NEFM: variants seen among roughly 807,000 people sequenced by gnomAD.
NEFM encodes the protein neurofilament medium polypeptide.
A neutral mutation model predicts 48.1 loss-of-function variants in NEFM; 16 were observed. That is an observed-to-expected ratio of 0.33 (90% confidence interval 0.23 to 0.51). NEFM has a LOEUF of 0.51. Ranked by LOEUF, NEFM falls within the 20% of genes least tolerant of loss-of-function variation. NEFM has a pLI of 0.98. For missense variants in NEFM, 1,107 were observed against 1,136.0 expected (o/e 0.97, Z 0.37); for synonymous variants, 465 against 456.9 (o/e 1.02, Z -0.23).
chr8:24,914,864 C>G lies in NEFM; in HGVS notation c.1071C>G (p.Ser357Arg). 1.3e-6 allele frequency: 2 copies of G among 1,592,322 alleles called. No individual in the cohort carries two copies. Among genetic ancestry groups the G allele is most frequent in the Non-Finnish European group, 1.7e-6 (2 of 1,171,086 alleles). Residue 357 changes from serine (S) to arginine (R), a missense_variant, in exon 1 of 3, where the codon AGC becomes AGG. Coordinates refer to ENST00000221166, the MANE Select transcript of NEFM (RefSeq NM_005382.2). ...AGGAGCGCCACAACCACGACCTCAG[C>G]AGCTACCAGGTAGGAACCGCGGCTG... ...DIEERHNHDLSSYQDTIQQLE... is the reference protein window; with the variant it reads ...DIEERHNHDLRSYQDTIQQLE...
In NEFM at chr8:24,913,937, G is replaced by T. The variant is rs762095091; in HGVS notation, c.144G>T (p.Val48=). The change falls in exon 1 of 3, where the codon GTG becomes GTT. Residue 48 remains valine, a synonymous_variant. Transcript: ENST00000221166. ...GGTCCCGCGGCTCGCCCAGCACCGT[G>T]TCCTCCTCCTATAAGCGCAGCATGC... ...QSWSRGSPST[V]SSSYKRSMLA... is the part of the protein sequence containing the mutation. The T allele has an allele frequency of 2.8e-5, 45 of 1,611,388 alleles. No individual in the cohort carries two copies. Among genetic ancestry groups the T allele is most frequent in the Non-Finnish European group, 3.6e-5 (43 of 1,179,392 alleles).
chr8:24,918,941 T>C lies in NEFM; in HGVS notation c.*335T>C, dbSNP rs181276535. On this transcript the variant is annotated 3_prime_UTR_variant, in exon 3 of 3. Coordinates refer to ENST00000221166, the MANE Select transcript of NEFM (RefSeq NM_005382.2). Reference sequence around the variant, plus strand: ...ACAGAACTCAGCCTTAAGAAAGCTATATATGAATAATTATGTTTACCTCAC... The same window carrying C: ...ACAGAACTCAGCCTTAAGAAAGCTACATATGAATAATTATGTTTACCTCAC... 5 of 330,004 alleles carry C rather than the reference T, an allele frequency of 1.5e-5. No individual in the cohort carries two copies. Among genetic ancestry groups the C allele is most frequent in the African/African-American group, 6.4e-5 (3 of 47,180 alleles). The allele number at this position is 330,004 out of a possible 1,614,324, so 20.4% of individuals were successfully genotyped here.
chr8:24,916,991 G>T, intron 2 of NEFM, 70 bp from the exon 3 acceptor site: 1 of 1,249,594 alleles, frequency 8.0e-7, no homozygotes. Context: ...ACAATACCCA[G>T]AATGTAATGA....
Position 24,915,504 on chromosome 8 carries a change from G to C in NEFM, c.1081-101G>C, listed in dbSNP as rs191228797. 2,195 of 1,560,174 alleles carry C rather than the reference G, an allele frequency of 1.4e-3. 5 individuals carry two copies. Among genetic ancestry groups the C allele is most frequent in the Non-Finnish European group, 1.1e-3 (1,271 of 1,137,080 alleles). On this transcript the variant is annotated intron_variant, in intron 1 of 2. Transcript: ENST00000221166. ...GTCAGCGAGGTTTGCAGAAGTGGAGGGAGACGGGAGGAGGCCAGGGGGAAG... is the reference window on the plus strand; with the variant it reads ...GTCAGCGAGGTTTGCAGAAGTGGAGCGAGACGGGAGGAGGCCAGGGGGAAG...
Position 24,917,972 on chromosome 8 carries a change from A to G in NEFM, c.2117A>G (p.Glu706Gly), listed in dbSNP as rs764799483. The change falls in exon 3 of 3, where the codon GAA becomes GGA. Residue 706 changes from glutamate (E) to glycine (G), a missense_variant. Physicochemically the swap from Glu to Gly is moderately conservative, Grantham distance 98 (BLOSUM62 -2). Around this residue, in one of 3 missense-constraint regions of NEFM, gnomAD observed 917 missense variants for 916.4 expected, o/e 1.00. Transcript: ENST00000221166. ...VGKGEQKEEE[E>G]KEVKEAPKEE... ...AAAGGTGAACAGAAAGAGGAAGAAG[A>G]AAAGGAAGTCAAGGAAGCTCCCAAG... 6.2e-7 allele frequency: 1 copy of G among 1,612,820 alleles called. No individual in the cohort carries two copies.
rs196865 is a variant in NEFM, at chr8:24,917,021, A to G, written c.1206-40A>G. ...TAATGAAGCTCAGAAGGCCTAGTGA[A>G]ATTTTTACTATGTCTTATGTTCTTG... On this transcript the variant is annotated intron_variant, in intron 2 of 2. Coordinates refer to ENST00000221166, the MANE Select transcript of NEFM (RefSeq NM_005382.2). 1.2e-3 allele frequency: 1,910 copies of G among 1,586,264 alleles called. 18 individuals are homozygous for G. The African/African-American group carries it at 0.023, about 19-fold the overall frequency.
At position 24,914,476 on chromosome 8, in the gene NEFM, A is replaced by T. The variant is rs1221960192; in HGVS notation, c.683A>T (p.Gln228Leu). The T allele has an allele frequency of 1.2e-6, 2 of 1,614,000 alleles. No homozygotes were observed. Among genetic ancestry groups the T allele is most frequent in the Admixed American group, 3.3e-5 (2 of 60,020 alleles). The stretch of plus-strand genomic sequence containing the variant: ...CTGGACAAGAAGGTGCAGTCGCTGC[A>T]GGATGAGGTGGCCTTCCTGCGGAGC... The part of the protein sequence containing the change: ...VELDKKVQSL[Q>L]DEVAFLRSNH... The change falls in exon 1 of 3, where the codon CAG (glutamine) becomes CTG (leucine). Residue 228 changes from glutamine to leucine, a missense_variant. Gln to Leu is a moderately radical substitution (Grantham distance 113). Transcript: ENST00000221166.
At chr8:24,915,125 C>T in intron 1 of NEFM, 1 of 1,353,600 alleles carries the variant, frequency 7.4e-7, no homozygotes. Context: ...TTTTCCAGTT[C>T]TAATTTTGCA....
chr8:24,914,355 C>A lies in NEFM; in HGVS notation c.562C>A (p.Arg188Ser). 7 of 1,613,628 alleles carry A rather than the reference C, an allele frequency of 4.3e-6. No homozygotes were observed. The highest frequency in any genetic ancestry group is 5.9e-6 in the Non-Finnish European group (7 of 1,179,958). Residue 188 changes from arginine to serine, a missense_variant, in exon 1 of 3, where the codon CGC becomes AGC. By Grantham distance (110) the Arg-to-Ser change is moderately radical. This residue lies in a region of NEFM where 917 missense variants were observed against 916.4 expected (regional missense o/e 1.00). Coordinates refer to ENST00000221166, the MANE Select transcript of NEFM (RefSeq NM_005382.2). Reference sequence around the variant, plus strand: ...GGAAGACATCCACCGGCTCAAGGAGCGCTTTGAGGAGGAGGCGCGGTTGCG... The same window carrying A: ...GGAAGACATCCACCGGCTCAAGGAGAGCTTTGAGGAGGAGGCGCGGTTGCG... The part of the protein sequence containing the change: ...LEEDIHRLKE[R>S]FEEEARLRDD...
Position 24,913,806 on chromosome 8 carries a change from T to A in NEFM, c.13T>A (p.Leu5Met). Residue 5 changes from leucine to methionine, a missense_variant, in exon 1 of 3, where the codon TTG becomes ATG. Physicochemically the swap from Leu to Met is conservative, Grantham distance 15 (BLOSUM62 2). Coordinates refer to ENST00000221166, the MANE Select transcript of NEFM (RefSeq NM_005382.2). ...CAAGGCCTCCAAGATGAGCTACACG[T>A]TGGACTCGCTGGGCAACCCGTCCGC... MSYT[L>M]DSLGNPSAYR... 6.2e-7 allele frequency: 1 copy of A among 1,609,158 alleles called. No individual in the cohort carries two copies. The highest frequency in any genetic ancestry group is 8.5e-7 in the Non-Finnish European group (1 of 1,178,476).
Position 24,917,862 on chromosome 8 carries a change from G to T in NEFM, c.2007G>T (p.Val669=), listed in dbSNP as rs773389658. The change falls in exon 3 of 3, where the codon GTG becomes GTT. Residue 669 remains valine (V), a synonymous_variant. Transcript: ENST00000221166. ...TGGAAGAGAAAGGCAAGTCTCCTGT[G>T]TCAAAATCACCAGTGGAAGAGAAAG... is the stretch of plus-strand genomic sequence containing the variant. ...SPVEEKGKSP[V]SKSPVEEKAK... 3 of 1,613,954 alleles carry T rather than the reference G, an allele frequency of 1.9e-6. No homozygotes were observed. In the African/African-American group the frequency reaches 4.0e-5, roughly 22 times the overall value.
Position 24,917,740 on chromosome 8 carries a change from C to T in NEFM, c.1885C>T (p.Pro629Ser), listed in dbSNP as rs755804376. The change falls in exon 3 of 3, where the codon CCT (proline) becomes TCT (serine). Residue 629 changes from proline to serine, a missense_variant. This residue lies in a region of NEFM where 917 missense variants were observed against 916.4 expected (regional missense o/e 1.00). Transcript: ENST00000221166. ...ACCAGTGGAAGAGAAAGGCAAGTCT[C>T]CTGTGCCCAAGTCACCAGTGGAAGA... is the stretch of plus-strand genomic sequence containing the variant. ...KSPVEEKGKS[P>S]VPKSPVEEKG... is the part of the protein sequence containing the mutation. 6.2e-7 allele frequency: 1 copy of T among 1,613,664 alleles called. No individual in the cohort carries two copies. The highest frequency in any genetic ancestry group is 8.5e-7 in the Non-Finnish European group (1 of 1,179,930).
In NEFM at chr8:24,918,459, T is replaced by C; in HGVS notation, c.2604T>C (p.Gly868=). The change falls in exon 3 of 3, where the codon GGT becomes GGC. Residue 868 remains glycine, a synonymous_variant. Coordinates refer to ENST00000221166, the MANE Select transcript of NEFM (RefSeq NM_005382.2). ...VEKITSEGGD[G]ATKYITKSVT... ...AAATCACCAGTGAGGGGGGAGATGGTGCTACCAAATACATCACTAAATCTG... is the reference window on the plus strand; with the variant it reads ...AAATCACCAGTGAGGGGGGAGATGGCGCTACCAAATACATCACTAAATCTG... 1 of 1,614,118 alleles carries C rather than the reference T, an allele frequency of 6.2e-7. No individual in the cohort carries two copies. Among genetic ancestry groups the C allele is most frequent in the Non-Finnish European group, 8.5e-7 (1 of 1,180,006 alleles).
chr8:24,917,165 A>C lies in NEFM; in HGVS notation c.1310A>C (p.Gln437Pro), dbSNP rs1167154844. 2.5e-6 allele frequency: 4 copies of C among 1,614,072 alleles called. No homozygotes were observed. The highest frequency in any genetic ancestry group is 3.4e-6 in the Non-Finnish European group (4 of 1,180,042). Residue 437 changes from glutamine to proline, a missense_variant, in exon 3 of 3, where the codon CAG becomes CCG. By Grantham distance (76) the Gln-to-Pro change is moderately conservative. Around this residue, in one of 3 missense-constraint regions of NEFM, gnomAD observed 917 missense variants for 916.4 expected, o/e 1.00. Transcript: ENST00000221166. ...CCAATCACAATATCCAGTAAGATTC[A>C]GAAACCCAAGGTGGAAGCTCCCAAG... ...RPPITISSKI[Q>P]KPKVEAPKLK...
At position 24,918,395 on chromosome 8, in the gene NEFM, A is replaced by G; in HGVS notation, c.2540A>G (p.Lys847Arg). 4 of 1,614,154 alleles carry G rather than the reference A, an allele frequency of 2.5e-6. No individual in the cohort carries two copies. Among genetic ancestry groups the G allele is most frequent in the Non-Finnish European group, 3.4e-6 (4 of 1,180,032 alleles). ...GCAGATGAAAAGAAGGGGGGTGATA[A>G]AAGTGAGGAGAAAGTGGTGGTGACC... Reference protein sequence around the residue: ...SPADEKKGGDKSEEKVVVTKT... With the variant: ...SPADEKKGGDRSEEKVVVTKT... The change falls in exon 3 of 3, where the codon AAA becomes AGA. Residue 847 changes from lysine to arginine, a missense_variant. This residue lies in a region of NEFM where 917 missense variants were observed against 916.4 expected (regional missense o/e 1.00). Transcript: ENST00000221166.
At position 24,914,583 on chromosome 8, in the gene NEFM, A is replaced by G. The variant is rs760832005; in HGVS notation, c.790A>G (p.Thr264Ala). The change falls in exon 1 of 3, where the codon ACA becomes GCA. Residue 264 changes from threonine (T) to alanine (A), a missense_variant. Physicochemically the swap from Thr to Ala is moderately conservative, Grantham distance 58 (BLOSUM62 0). This residue lies in a region of NEFM where 917 missense variants were observed against 916.4 expected (regional missense o/e 1.00). Coordinates refer to ENST00000221166, the MANE Select transcript of NEFM (RefSeq NM_005382.2). Reference sequence around the variant, plus strand: ...GGTGGAGCGCAAAGACTACCTGAAGACAGACATCTCGACGGCGCTGAAGGA... The same window carrying G: ...GGTGGAGCGCAAAGACTACCTGAAGGCAGACATCTCGACGGCGCTGAAGGA... ...ITVERKDYLK[T>A]DISTALKEIR... 6.2e-7 allele frequency: 1 copy of G among 1,614,160 alleles called. No homozygotes were observed. The highest frequency in any genetic ancestry group is 1.1e-5 in the South Asian group (1 of 91,074).
intron 1 of NEFM, chr8:24,915,174 T>C (rs755870496): frequency 7.6e-7 from 1 of 1,317,734 alleles, no homozygotes; most frequent in Non-Finnish European, 9.6e-7. Context: ...AATTCGGTAG[T>C]GGATAAATCA....
In NEFM at chr8:24,914,135, C is replaced by A. The variant is rs1289725956; in HGVS notation, c.342C>A (p.Gly114=). ...AGGGGCTGAACGACCGCTTTGCCGG[C>A]TACATAGAGAAGGTGCACTACCTGG... ...QLQGLNDRFA[G]YIEKVHYLEQ... Residue 114 remains glycine (G), a synonymous_variant, in exon 1 of 3, where the codon GGC becomes GGA. Transcript: ENST00000221166. 1.2e-6 allele frequency: 2 copies of A among 1,613,024 alleles called. No individual in the cohort carries two copies. Among genetic ancestry groups the A allele is most frequent in the Admixed American group, 3.3e-5 (2 of 59,984 alleles).
rs1473969544 is a variant in NEFM, at chr8:24,917,243, A to G, written c.1388A>G (p.Glu463Gly). ...GAGATCATAGAGGAAACCAAAGTGG[A>G]GGATGAGAAGTCAGAAATGGAAGAG... The part of the protein sequence containing the change: ...VEEIIEETKV[E>G]DEKSEMEEAL... The change falls in exon 3 of 3, where the codon GAG becomes GGG. Residue 463 changes from glutamate to glycine, a missense_variant. Glu to Gly is a moderately conservative substitution (Grantham distance 98). This residue lies in a region of NEFM where 917 missense variants were observed against 916.4 expected (regional missense o/e 1.00). Coordinates refer to ENST00000221166, the MANE Select transcript of NEFM (RefSeq NM_005382.2). 6.2e-7 allele frequency: 1 copy of G among 1,614,180 alleles called. No individual in the cohort carries two copies. The highest frequency in any genetic ancestry group is 8.5e-7 in the Non-Finnish European group (1 of 1,180,052).
Sources: allele counts gnomAD v4.1 joint callset, GRCh38; gene constraint gnomAD v4.1.1; regional missense constraint gnomAD v4.1.1; transcripts MANE v1.5; gene names NCBI Gene and HGNC (gene_info 2026-07-23, HGNC 2026-07-21).